Variants in ATP11B observed in about 807,000 individuals in gnomAD.
The protein encoded by ATP11B is phospholipid-transporting ATPase IF.
ATP11B carries 81 observed loss-of-function variants against 157.8 expected under a neutral mutation model. That is an observed-to-expected ratio of 0.51 (90% CI 0.43 to 0.62). ATP11B has a LOEUF of 0.62. Among genes scored for constraint, ATP11B ranks in the 20% least tolerant of loss-of-function variants. The pLI, the probability that ATP11B is intolerant of heterozygous loss-of-function variation, is 0.00. For missense variants in ATP11B, 1,165 were observed against 1,402.2 expected, an observed-to-expected ratio of 0.83 and a Z score of 2.70; for synonymous variants, 451 against 469.4, an observed-to-expected ratio of 0.96 and a Z score of 0.51.
At chr3:182,883,861 A>G (rs1722608285) in intron 21 of ATP11B, among the ~76,000 whole-genome samples, 2 of 147,780 alleles carry the variant, frequency 1.4e-5, no homozygotes, top group Admixed American at 1.3e-4. Context: ...AGGCTGAGGC[A>G]GGAGAATGGC....
intron 27 of ATP11B, 23 bp from the exon 28 acceptor site, chr3:182,898,584 A>G (rs191688274): frequency 1.3e-4 from 200 of 1,564,284 alleles, no homozygotes; most frequent in Non-Finnish European, 1.7e-4. Context: ...CACTTTTATT[A>G]AGCACATTTT....
chr3:182,885,114 T>C (rs1450035784), intron 22 of ATP11B, among the ~76,000 whole-genome samples: 1 of 152,142 alleles, frequency 6.6e-6, no homozygotes, highest in Non-Finnish European at 1.5e-5. Flanking sequence ...ACATTTGATA[T>C]CTTTAAAGTT....
rs1227458986 is a variant in ATP11B, at chr3:182,818,932, GA to G, written c.28-1321del. 4.7e-3 allele frequency among the ~76,000 whole-genome samples: 684 copies of G among 144,914 alleles called. 10 individuals carry two copies. Among genetic ancestry groups the G allele is most frequent in the African/African-American group, 0.016 (611 of 39,394 alleles). On this transcript the variant is annotated intron_variant, in intron 1 of 29. Coordinates refer to ENST00000323116, the MANE Select transcript of ATP11B (RefSeq NM_014616.3). ...ACCACTATGTAAAAAAAAAAAAAAA[GA>G]AAAAAAGAAAAAAACCTAAGGAATT...
At chr3:182,815,767 T>A (rs6797967) in intron 1 of ATP11B, among the ~76,000 whole-genome samples, 3,094 of 152,284 alleles carry the variant, frequency 0.02, 101 homozygotes, top group African/African-American at 0.072. Context: ...ATTAAAGAAG[T>A]ATGACTAATT....
intron 2 of ATP11B, among the ~76,000 whole-genome samples, chr3:182,826,915 G>C (rs994592465): frequency 6.6e-6 from 1 of 152,140 alleles, no homozygotes; most frequent in Non-Finnish European, 1.5e-5. Flanking sequence ...GTAACGTAAA[G>C]TACCTCTTTG....
intron 11 of ATP11B, 111 bp from the exon 12 acceptor site, chr3:182,859,051 A>T: frequency 1.5e-6 from 1 of 652,510 alleles, no homozygotes; most frequent in Non-Finnish European, 2.6e-6. Flanking sequence ...CTACCTCAGA[A>T]TATAGTTGAT....
At chr3:182,866,025 C>A (rs1366072001) in intron 13 of ATP11B, among the ~76,000 whole-genome samples, 1 of 152,162 alleles carries the variant, frequency 6.6e-6, no homozygotes, top group Non-Finnish European at 1.5e-5. Context: ...GACCTCACTT[C>A]TTCTATAAAA....
intron 7 of ATP11B, 47 bp from the exon 8 acceptor site, chr3:182,842,028 T>TGTCATAA: frequency 7.8e-7 from 1 of 1,284,266 alleles, no homozygotes; most frequent in East Asian, 2.4e-5. Flanking sequence ...CAGCCATTGA[T>TGTCATAA]GTCATAAGTG....
At chr3:182,843,581 C>T (rs911385079) in intron 8 of ATP11B, 1 of 151,924 alleles carries the variant, frequency 6.6e-6, no homozygotes, top group Non-Finnish European at 1.5e-5. Context: ...GATTGTTTTC[C>T]CTCAATATTT....
chr3:182,801,701 C>T (rs568945912), intron 1 of ATP11B, among the ~76,000 whole-genome samples: 69 of 152,144 alleles, frequency 4.5e-4, no homozygotes, highest in Middle Eastern at 3.2e-3. Flanking sequence ...TATTTATCTC[C>T]AAAATCGCTT....
chr3:182,850,081 A>T (rs967213405), intron 10 of ATP11B, among the ~76,000 whole-genome samples: 2 of 152,230 alleles, frequency 1.3e-5, no homozygotes. Flanking sequence ...AACGGAGGAC[A>T]TTGGGGAAAG....
At chr3:182,803,189 G>T (rs1716117394) in intron 1 of ATP11B, among the ~76,000 whole-genome samples, 1 of 152,072 alleles carries the variant, frequency 6.6e-6, no homozygotes, top group African/African-American at 2.4e-5. Flanking sequence ...CTAAAACAGA[G>T]TTCTCCTTTC....
chr3:182,889,315 C>G (rs959746792), intron 24 of ATP11B, 95 bp from the exon 25 acceptor site: 9 of 899,346 alleles, frequency 1.0e-5, no homozygotes, highest in Non-Finnish European at 9.4e-6. Context: ...AATTAAAAAT[C>G]TATCTTGTTT....
intron 1 of ATP11B, among the ~76,000 whole-genome samples, chr3:182,817,138 T>C (rs949298662): frequency 6.6e-6 from 1 of 152,212 alleles, no homozygotes; most frequent in Non-Finnish European, 1.5e-5. Flanking sequence ...GTAGATATTA[T>C]ATCATCATTG....
chr3:182,848,462 G>A lies in ATP11B; in HGVS notation c.770-14G>A, dbSNP rs1415125093. The A allele has an allele frequency of 4.2e-6, 6 of 1,442,684 alleles. No individual in the cohort carries two copies. Among genetic ancestry groups the A allele is most frequent in the Non-Finnish European group, 4.6e-6 (5 of 1,077,100 alleles). 89.4% of individuals were successfully genotyped at this position (1,442,684 alleles called of 1,614,324 possible). On this transcript the variant is annotated splice_polypyrimidine_tract_variant and intron_variant, in intron 9 of 29. Coordinates refer to ENST00000323116, the MANE Select transcript of ATP11B (RefSeq NM_014616.3). ...GAGGATTATTTTAAGAGACAATTTT[G>A]TTTTATTTTACAGGTGTTGCGGTAT...
In ATP11B at chr3:182,920,542, T is replaced by A. The variant is rs1725413144; in HGVS notation, c.*2438T>A. The A allele has an allele frequency of 6.6e-6, 1 of 152,232 alleles. No homozygotes were observed. The highest frequency in any genetic ancestry group is 6.5e-5 in the Admixed American group (1 of 15,278). 9.4% of individuals were successfully genotyped at this position (152,232 alleles called of 1,614,324 possible). A position where few individuals can be genotyped will look rare whatever the true frequency, so the allele number is the denominator to read the frequency against. ...GGAAAGTATGATGTTGATAATTAAC[T>A]TACCCTTATCTGCCAAAACCAGAGC... On this transcript the variant is annotated 3_prime_UTR_variant, in exon 30 of 30. Coordinates refer to ENST00000323116, the MANE Select transcript of ATP11B (RefSeq NM_014616.3).
intron 28 of ATP11B, among the ~76,000 whole-genome samples, chr3:182,912,536 G>A (rs1325261379): frequency 6.6e-6 from 1 of 151,494 alleles, no homozygotes; most frequent in Non-Finnish European, 1.5e-5. Flanking sequence ...CAAGAGTATT[G>A]TAACGAAAGA....
At position 182,848,726 on chromosome 3, in the gene ATP11B, T is replaced by C. The variant is rs546996366; in HGVS notation, c.851+169T>C. Among the ~76,000 whole-genome samples the C allele has an allele frequency of 4.6e-5, 7 of 152,020 alleles. No homozygotes were observed. The East Asian group carries it at 1.3e-3, about 29-fold the overall frequency. Reference sequence around the variant, plus strand: ...ATACAAGTAACATTTTGCACAGTATTGGACATGTAGTAAATGCTCTATAGT... The same window carrying C: ...ATACAAGTAACATTTTGCACAGTATCGGACATGTAGTAAATGCTCTATAGT... On this transcript the variant is annotated intron_variant, in intron 10 of 29. Coordinates refer to ENST00000323116, the MANE Select transcript of ATP11B (RefSeq NM_014616.3).
chr3:182,915,958 TTA>T, intron 29 of ATP11B: 1 of 983,796 alleles, frequency 1.0e-6, no homozygotes, highest in Non-Finnish European at 1.2e-6. Flanking sequence ...ACATCACAGG[TTA>T]TATTATTGGT....
Sources: allele counts gnomAD v4.1 joint callset (sites outside exome capture counted in the v4.1 genomes callset), GRCh38; gene constraint gnomAD v4.1.1; transcripts MANE v1.5; gene names NCBI Gene and HGNC (gene_info 2026-07-23, HGNC 2026-07-21).